The following RPTOR variants were observed in gnomAD, a reference collection of about 807,000 sequenced individuals.
The protein encoded by RPTOR is regulatory-associated protein of mTOR.
A neutral mutation model predicts 169.9 loss-of-function variants in RPTOR; 21 were observed. The ratio of observed to expected loss-of-function variants is 0.12; its 90% CI spans 0.09 to 0.18. RPTOR has a LOEUF of 0.18. RPTOR is among the 10% of genes least tolerant of loss of function. RPTOR has a pLI of 1.00. For missense variants in RPTOR, 1,133 were observed against 1,855.9 expected, an observed-to-expected ratio of 0.61 and a Z score of 7.16; for synonymous variants, 732 against 753.2, an observed-to-expected ratio of 0.97 and a Z score of 0.46.
chr17:80,632,827 T>A (rs912332495), intron 2 of RPTOR, among the ~76,000 whole-genome samples: 2 of 152,160 alleles, frequency 1.3e-5, no homozygotes, highest in African/African-American at 4.8e-5. Context: ...TTTTGTGAGA[T>A]AAGACCTTAC....
chr17:80,700,712 GTGGTGGTGGTGGTGGTGATGA>G (rs1567864622), intron 3 of RPTOR, among the ~76,000 whole-genome samples: 2 of 4,206 alleles, frequency 4.8e-4, no homozygotes, highest in Non-Finnish European at 6.0e-4. Flanking sequence ...GGTGGTGATG[GTGGTGGTGGTGGTGGTGATGA>G]TGGTGGTGGT....
intron 4 of RPTOR, among the ~76,000 whole-genome samples, chr17:80,718,082 C>T (rs2066254704): frequency 6.6e-6 from 1 of 152,122 alleles, no homozygotes; most frequent in South Asian, 2.1e-4. Context: ...CTATTTCCAC[C>T]CTTTGCTGTG....
intron 1 of RPTOR, among the ~76,000 whole-genome samples, chr17:80,556,523 A>G (rs1599545682): frequency 6.6e-6 from 1 of 152,086 alleles, no homozygotes; most frequent in African/African-American, 2.4e-5. Context: ...CAATAAAAAC[A>G]GCAAGAAAAG....
rs1454550110 is a variant in RPTOR at position 80,646,699 on chromosome 17, C to G, written c.348+2889C>G. Among the ~76,000 whole-genome samples the G allele has an allele frequency of 6.6e-6, 1 of 152,188 alleles. No individual in the cohort carries two copies. Among genetic ancestry groups the G allele is most frequent in the African/African-American group, 2.4e-5 (1 of 41,456 alleles). On this transcript the variant is annotated intron_variant, in intron 3 of 33. Coordinates refer to ENST00000306801, the MANE Select transcript of RPTOR (RefSeq NM_020761.3). This position sits in a 1 kb window ranked among gnomAD's most constrained non-coding sequence, Gnocchi z 5.0. ...GGTTGATGTGCCATCTGCAATAAAA[C>G]AATGGGGGCGTTATTAAATTTCCCA...
At position 80,947,144 on chromosome 17, in the gene RPTOR, C is replaced by T. The variant is rs117823885; in HGVS notation, c.3141-83C>T. 2.2e-3 allele frequency: 2,996 copies of T among 1,346,858 alleles called. 17 individuals carry two copies. The highest frequency in any genetic ancestry group is 2.4e-3 in the South Asian group (149 of 61,974). The allele number at this position is 1,346,858 out of a possible 1,614,324, so 83.4% of individuals were successfully genotyped here. A position where few individuals can be genotyped will look rare whatever the true frequency, so the allele number is the denominator to read the frequency against. ...GGTGTGTGGTTTTTTGATAGCAGCC[C>T]GGTGGGTTTCAGGAGGTATCTCACT... On this transcript the variant is annotated intron_variant, in intron 26 of 33. Coordinates refer to ENST00000306801, the MANE Select transcript of RPTOR (RefSeq NM_020761.3). The surrounding 1 kb of genome is among the most constrained non-coding windows in gnomAD (Gnocchi z 4.4).
chr17:80,875,633 T>G (rs1450018457), intron 13 of RPTOR, among the ~76,000 whole-genome samples: 1 of 152,228 alleles, frequency 6.6e-6, no homozygotes, highest in Non-Finnish European at 1.5e-5. Context: ...GCCGGCACCG[T>G]GCTGTTCATC....
chr17:80,755,546 G>A (rs1414535734), intron 6 of RPTOR, among the ~76,000 whole-genome samples: 2 of 152,078 alleles, frequency 1.3e-5, no homozygotes. Context: ...AGACTAGCCT[G>A]GCCAACATGG....
intron 3 of RPTOR, among the ~76,000 whole-genome samples, chr17:80,665,839 G>A (rs547418434): frequency 1.3e-5 from 2 of 152,166 alleles, no homozygotes; most frequent in South Asian, 4.2e-4. Context: ...CACCGCGCCC[G>A]GCCCCCCAAA....
intron 7 of RPTOR, among the ~76,000 whole-genome samples, chr17:80,817,394 C>G (rs142693371): frequency 6.6e-6 from 1 of 152,118 alleles, no homozygotes; most frequent in East Asian, 1.9e-4. Context: ...GGCAGTGAGG[C>G]GGCCACCCCA....
chr17:80,833,455 C>T (rs916516546), intron 9 of RPTOR, among the ~76,000 whole-genome samples: 1 of 152,240 alleles, frequency 6.6e-6, no homozygotes, highest in Non-Finnish European at 1.5e-5. Flanking sequence ...CAGACACCTT[C>T]CCGGTCCCCT....
chr17:80,731,426 C>A (rs1290821691), intron 5 of RPTOR, among the ~76,000 whole-genome samples: 1 of 152,020 alleles, frequency 6.6e-6, no homozygotes, highest in African/African-American at 2.4e-5. Flanking sequence ...TCCCCGAAAA[C>A]CACTAAGCTA....
intron 5 of RPTOR, among the ~76,000 whole-genome samples, chr17:80,748,851 G>A (rs11656961): frequency 0.064 from 878 of 13,826 alleles, no homozygotes; most frequent in African/African-American, 0.085. Context: ...GTGTGTGTTT[G>A]GAGGCCGTGG....
intron 1 of RPTOR, among the ~76,000 whole-genome samples, chr17:80,571,695 A>AT (rs1363928559): frequency 4.6e-5 from 7 of 151,970 alleles, no homozygotes; most frequent in Non-Finnish European, 5.9e-5. Flanking sequence ...TAATTTTTGC[A>AT]TTTTTTGTAG....
In RPTOR at chr17:80,961,383, C is replaced by G; in HGVS notation, c.3606-11C>G. On this transcript the variant is annotated splice_polypyrimidine_tract_variant and intron_variant, in intron 30 of 33. Coordinates refer to ENST00000306801, the MANE Select transcript of RPTOR (RefSeq NM_020761.3). ...GGAAGCCCCACGCTGAGCGTGCCCC[C>G]TCCCCTACAGCCGCGTCATGACGTA... 6.5e-7 allele frequency: 1 copy of G among 1,546,290 alleles called. No individual in the cohort carries two copies. Among genetic ancestry groups the G allele is most frequent in the East Asian group, 2.4e-5 (1 of 40,898 alleles).
chr17:80,652,114 A>T (rs2065645226), intron 3 of RPTOR, among the ~76,000 whole-genome samples: 1 of 150,728 alleles, frequency 6.6e-6, no homozygotes, highest in Non-Finnish European at 1.5e-5. Context: ...AGGTTGTAGT[A>T]AGCCGAGATC....
chr17:80,687,433 C>T (rs9902757), intron 3 of RPTOR, among the ~76,000 whole-genome samples: 2,460 of 152,328 alleles, frequency 0.016, 59 homozygotes, highest in African/African-American at 0.054. Flanking sequence ...CTTCTTCCTC[C>T]GGTGCTCTTA....
At chr17:80,953,393 C>T (rs1301824457) in intron 28 of RPTOR, among the ~76,000 whole-genome samples, 4 of 152,374 alleles carry the variant, frequency 2.6e-5, no homozygotes, top group Non-Finnish European at 5.9e-5. Flanking sequence ...ACCTCAGCCT[C>T]CTGAGTAGCT....
At chr17:80,963,814 GCTGTGCGGCCGAGTCCTCACCCTGTCCC>G (rs779155221) in intron 33 of RPTOR, among the ~76,000 whole-genome samples, 8 of 85,286 alleles carry the variant, frequency 9.4e-5, no homozygotes, top group Admixed American at 7.7e-4. Context: ...CACCCCGTCC[GCTGTGCGGCCGAGTCCTCACCCTGTCCC>G]CTGTGCGGCC....
intron 4 of RPTOR, among the ~76,000 whole-genome samples, chr17:80,712,306 C>T (rs2066201323): frequency 6.6e-6 from 1 of 152,170 alleles, no homozygotes; most frequent in Non-Finnish European, 1.5e-5. Flanking sequence ...CCTGCAACCA[C>T]CGTTAGGTTG....
Sources: allele counts gnomAD v4.1 joint callset (sites outside exome capture counted in the v4.1 genomes callset), GRCh38; gene constraint gnomAD v4.1.1; non-coding constraint Gnocchi (gnomAD v3.1); transcripts MANE v1.5; gene names NCBI Gene and HGNC (gene_info 2026-07-23, HGNC 2026-07-21).